Variants in ZDHHC2 observed in about 807,000 individuals in gnomAD.
The protein encoded by ZDHHC2 is palmitoyltransferase ZDHHC2.
A neutral mutation model predicts 55.6 loss-of-function variants in ZDHHC2; 51 were observed. The ratio of observed to expected loss-of-function variants is 0.92; its 90% CI spans 0.73 to 1.16. The LOEUF (loss-of-function observed/expected upper bound fraction) is 1.16. ZDHHC2 is among the 50% of genes most tolerant of loss of function. ZDHHC2 has a pLI of 0.00. For missense variants in ZDHHC2, 491 were observed against 442.4 expected (o/e 1.11, Z -0.99); for synonymous variants, 199 against 152.9 (o/e 1.30, Z -2.22).
At chr8:17,177,881 A>G (rs1563146580) in intron 1 of ZDHHC2, among the ~76,000 whole-genome samples, 1 of 152,150 alleles carries the variant, frequency 6.6e-6, no homozygotes, top group Non-Finnish European at 1.5e-5. Flanking sequence ...TGTATGAGCA[A>G]TAAAGGTAAA....
intron 1 of ZDHHC2, among the ~76,000 whole-genome samples, chr8:17,165,699 CAGTT>C (rs1243401038): frequency 1.3e-5 from 2 of 152,084 alleles, no homozygotes; most frequent in Non-Finnish European, 2.9e-5. Context: ...GTACATTAGA[CAGTT>C]TGTTAGAGGA....
rs536066002 is a variant in ZDHHC2 at position 17,173,881 on chromosome 8, A to G, written c.131-10908A>G. The stretch of plus-strand genomic sequence containing the variant: ...ATTTGGAGAAAGGGTCTTTAAAGAA[A>G]TAATTAAGTTAAAACGAAGTCACCA... On this transcript the variant is annotated intron_variant, in intron 1 of 12. Coordinates refer to ENST00000262096, the MANE Select transcript of ZDHHC2 (RefSeq NM_016353.5). Among the ~76,000 whole-genome samples the G allele has an allele frequency of 3.8e-4, 58 of 152,228 alleles. 1 individual carries two copies. Among genetic ancestry groups the G allele is most frequent in the South Asian group, 1.2e-3 (6 of 4,826 alleles).
intron 3 of ZDHHC2, among the ~76,000 whole-genome samples, chr8:17,193,309 T>C (rs1806130348): frequency 1.3e-5 from 2 of 152,182 alleles, no homozygotes; most frequent in African/African-American, 2.4e-5. Context: ...TTGGTGGTCT[T>C]GGATAAGATT....
chr8:17,200,653 A>T (rs947527319), intron 6 of ZDHHC2, among the ~76,000 whole-genome samples: 3 of 152,232 alleles, frequency 2.0e-5, no homozygotes, highest in African/African-American at 7.2e-5. Flanking sequence ...TCATTATAGT[A>T]ATTTTGCTAA....
At chr8:17,201,684 T>G (rs1204645574) in intron 6 of ZDHHC2, among the ~76,000 whole-genome samples, 1 of 150,398 alleles carries the variant, frequency 6.6e-6, no homozygotes, top group African/African-American at 2.4e-5. Flanking sequence ...TTTTTTGTAT[T>G]TTTGGGTTTC....
At chr8:17,163,462 G>A (rs1037927745) in intron 1 of ZDHHC2, among the ~76,000 whole-genome samples, 2 of 152,190 alleles carry the variant, frequency 1.3e-5, no homozygotes, top group African/African-American at 2.4e-5. Context: ...ATATGGGGGC[G>A]AGGGGTTCTC....
rs923425594 is a variant in ZDHHC2, at chr8:17,156,730, C to T, written c.7C>T (p.Pro3Ser). 1.4e-6 allele frequency: 2 copies of T among 1,476,782 alleles called. No individual in the cohort carries two copies. Among genetic ancestry groups the T allele is most frequent in the Admixed American group, 2.3e-5 (1 of 43,922 alleles). The allele number at this position is 1,476,782 out of a possible 1,614,324, so 91.5% of individuals were successfully genotyped here. A position where few individuals can be genotyped will look rare whatever the true frequency, so the allele number is the denominator to read the frequency against. Residue 3 changes from proline to serine, a missense_variant, in exon 1 of 13, where the codon CCC becomes TCC. Coordinates refer to ENST00000262096, the MANE Select transcript of ZDHHC2 (RefSeq NM_016353.5). Reference sequence around the variant, plus strand: ...AGGTGGATGCGGCTGGAAGATGGCGCCCTCGGGCCCGGGCAGCAGCGCCAG... The same window carrying T: ...AGGTGGATGCGGCTGGAAGATGGCGTCCTCGGGCCCGGGCAGCAGCGCCAG... Reference protein sequence around the residue: MAPSGPGSSARRR... With the variant: MASSGPGSSARRR...
chr8:17,204,147 C>T (rs1422753022), intron 6 of ZDHHC2, among the ~76,000 whole-genome samples: 2 of 152,182 alleles, frequency 1.3e-5, no homozygotes, highest in Non-Finnish European at 2.9e-5. Context: ...ATATGTAAGA[C>T]CTTTAAGTTT....
intron 7 of ZDHHC2, among the ~76,000 whole-genome samples, chr8:17,206,766 A>T (rs1289362687): frequency 6.6e-6 from 1 of 152,234 alleles, no homozygotes; most frequent in South Asian, 2.1e-4. Flanking sequence ...ACAGTAAAAA[A>T]GCAATTTATC....
intron 1 of ZDHHC2, among the ~76,000 whole-genome samples, chr8:17,159,768 CA>C (rs1219752515): frequency 1.3e-5 from 2 of 152,288 alleles, no homozygotes; most frequent in East Asian, 3.9e-4. Flanking sequence ...TCACAAAAGA[CA>C]GTTATACTTC....
chr8:17,185,991 CTG>C (rs767843111), intron 2 of ZDHHC2, among the ~76,000 whole-genome samples: 5 of 152,084 alleles, frequency 3.3e-5, no homozygotes, highest in Non-Finnish European at 5.9e-5. Context: ...GTTTTTAATG[CTG>C]TGTTTGCTGT....
At chr8:17,193,879 C>T (rs753150404) in intron 3 of ZDHHC2, among the ~76,000 whole-genome samples, 19 of 152,134 alleles carry the variant, frequency 1.2e-4, no homozygotes, top group Non-Finnish European at 2.6e-4. Context: ...TCAACCCCAT[C>T]ATCTACATTA....
At chr8:17,178,013 T>C (rs953436002) in intron 1 of ZDHHC2, among the ~76,000 whole-genome samples, 6 of 152,164 alleles carry the variant, frequency 3.9e-5, no homozygotes, top group African/African-American at 1.4e-4. Flanking sequence ...AATCACATTG[T>C]TTTAGAAACA....
chr8:17,177,802 A>G (rs1282187862), intron 1 of ZDHHC2, among the ~76,000 whole-genome samples: 2 of 151,494 alleles, frequency 1.3e-5, no homozygotes, highest in Non-Finnish European at 2.9e-5. Context: ...GGGGGGCGGT[A>G]TTCTTCATTA....
At chr8:17,212,549 C>G (rs185831465) in intron 10 of ZDHHC2, among the ~76,000 whole-genome samples, 1 of 152,262 alleles carries the variant, frequency 6.6e-6, no homozygotes, top group African/African-American at 2.4e-5. Context: ...AATCTGAATA[C>G]TTTCTAACCA....
Position 17,197,578 on chromosome 8 carries a change from C to T in ZDHHC2, c.374-4C>T, listed in dbSNP as rs780649582. On this transcript the variant is annotated splice_polypyrimidine_tract_variant and splice_region_variant and intron_variant, in intron 4 of 12. Transcript: ENST00000262096. ...TAAGACTAAGTGGAGCTTTTTGTCC[C>T]TAGCCATCCGATACTGTGACAGATG... The T allele has an allele frequency of 2.5e-6, 4 of 1,612,748 alleles. No individual in the cohort carries two copies. In the South Asian group the frequency reaches 4.4e-5, roughly 18 times the overall value.
At position 17,199,509 on chromosome 8, in the gene ZDHHC2, T is replaced by TCTTCGTCTTCGTCTTCG. The variant is rs1554466018; in HGVS notation, c.476+1096_476+1097insCTTCGTCTTCGTCTTCG. 2.2e-3 allele frequency among the ~76,000 whole-genome samples: 271 copies of TCTTCGTCTTCGTCTTCG among 121,048 alleles called. 30 individuals are homozygous for TCTTCGTCTTCGTCTTCG. Among genetic ancestry groups the TCTTCGTCTTCGTCTTCG allele is most frequent in the Middle Eastern group, 8.3e-3 (2 of 242 alleles). The allele number at this position is 121,048 out of a possible 152,430, so 79.4% of individuals were successfully genotyped here. The stretch of plus-strand genomic sequence containing the variant: ...CTTCTTCTTCTTCTTCTTCTTCTTC[T>TCTTCGTCTTCGTCTTCG]TCTTCGTCTTCGTCTTCGTCTTCTG... On this transcript the variant is annotated intron_variant, in intron 6 of 12. Coordinates refer to ENST00000262096, the MANE Select transcript of ZDHHC2 (RefSeq NM_016353.5).
rs1563161609 is a variant in ZDHHC2, at chr8:17,199,595, C to CT, written c.476+1184dup. Among the ~76,000 whole-genome samples, 79 of 39,126 alleles carry CT rather than the reference C, an allele frequency of 2.0e-3. 1 individual carries two copies. The highest frequency in any genetic ancestry group is 6.3e-3 in the Non-Finnish European group (62 of 9,828). The allele number at this position is 39,126 out of a possible 152,430, so 25.7% of individuals were successfully genotyped here. ...CTTTGTCTTCTTCTTCTTCTTTCTT[C>CT]TTCTTTATTCTTTCTTCTTCTTCTT... is the stretch of plus-strand genomic sequence containing the variant. On this transcript the variant is annotated intron_variant, in intron 6 of 12. Coordinates refer to ENST00000262096, the MANE Select transcript of ZDHHC2 (RefSeq NM_016353.5).
chr8:17,212,622 T>G (rs999301803), intron 10 of ZDHHC2, among the ~76,000 whole-genome samples: 1 of 152,182 alleles, frequency 6.6e-6, no homozygotes, highest in African/African-American at 2.4e-5. Flanking sequence ...CTTCAGTAGT[T>G]TTCTAACTGA....
Sources: gnomAD v4.1 joint callset for allele counts (sites outside exome capture counted in the v4.1 genomes callset) on GRCh38, gnomAD v4.1.1 for gene constraint, MANE v1.5 for transcripts, NCBI Gene and HGNC (gene_info 2026-07-23, HGNC 2026-07-21) for gene names.